The following TMCO6 variants were observed in gnomAD, a reference collection of about 807,000 sequenced individuals.
TMCO6 encodes transmembrane and coiled-coil domains 6.
In TMCO6, 47 loss-of-function variants were observed where a neutral mutation model predicts 61.8. That is an observed-to-expected ratio of 0.76 (90% confidence interval 0.60 to 0.97). The LOEUF (loss-of-function observed/expected upper bound fraction) is 0.97. Ranked by LOEUF, TMCO6 falls within the 50% of genes least tolerant of loss-of-function variation. TMCO6 has a pLI of 0.00. For missense variants in TMCO6, 557 were observed against 601.6 expected, an observed-to-expected ratio of 0.93 and a Z score of 0.78; for synonymous variants, 261 against 254.2, an observed-to-expected ratio of 1.03 and a Z score of -0.25.
upstream of TMCO6, among the ~76,000 whole-genome samples, chr5:140,638,398 A>T (rs1756827680): frequency 6.6e-6 from 1 of 152,140 alleles, no homozygotes; most frequent in Non-Finnish European, 1.5e-5. Flanking sequence ...TGGTACTGAT[A>T]ACGTCTTGTA....
chr5:140,603,437 A>G, the TMCO6 span, among the ~76,000 whole-genome samples: 1 of 152,016 alleles, frequency 6.6e-6, no homozygotes, highest in Admixed American at 6.6e-5. Flanking sequence ...CCTTCCAAGT[A>G]GCTGAGATTA....
chr5:140,631,068 C>A, the TMCO6 span, among the ~76,000 whole-genome samples: 1 of 152,238 alleles, frequency 6.6e-6, no homozygotes. Flanking sequence ...ATTTGCCAAT[C>A]AGTCAGCCTG....
the TMCO6 span, among the ~76,000 whole-genome samples, chr5:140,624,379 A>G: frequency 2.6e-5 from 4 of 152,052 alleles, no homozygotes; most frequent in Admixed American, 1.3e-4. Flanking sequence ...AAATGAATAA[A>G]TAAATAAATA....
At chr5:140,628,406 T>G in the TMCO6 span, among the ~76,000 whole-genome samples, 1 of 152,128 alleles carries the variant, frequency 6.6e-6, no homozygotes, top group Non-Finnish European at 1.5e-5. Flanking sequence ...CTGATTTGAA[T>G]GCCTCTGACA....
chr5:140,623,376 C>T, the TMCO6 span, among the ~76,000 whole-genome samples: 1 of 148,232 alleles, frequency 6.7e-6, no homozygotes, highest in Non-Finnish European at 1.5e-5. Flanking sequence ...TTTCTCACTT[C>T]TGTAGCATGC....
chr5:140,625,908 T>C, the TMCO6 span, among the ~76,000 whole-genome samples: 7 of 152,286 alleles, frequency 4.6e-5, no homozygotes, highest in Admixed American at 1.3e-4. Flanking sequence ...TTGCTGACCA[T>C]GTCTCCCTAT....
chr5:140,637,588 A>G (rs1171587341), upstream of TMCO6, among the ~76,000 whole-genome samples: 2 of 152,106 alleles, frequency 1.3e-5, no homozygotes, highest in Non-Finnish European at 2.9e-5. Context: ...TCAGGCCATG[A>G]TGGGAAGTAG....
chr5:140,642,717 A>G lies in TMCO6; in HGVS notation c.689+46A>G, dbSNP rs1243818413. ...ATGTGCAGCCAGAGGTGACCCACTCAGTAGTATAGCTCCCGGATGCCTGAA... is the reference window on the plus strand; with the variant it reads ...ATGTGCAGCCAGAGGTGACCCACTCGGTAGTATAGCTCCCGGATGCCTGAA... On this transcript the variant is annotated intron_variant, in intron 6 of 11. Coordinates refer to ENST00000394671, the MANE Select transcript of TMCO6 (RefSeq NM_018502.5). 3 of 1,601,294 alleles carry G rather than the reference A, an allele frequency of 1.9e-6. No individual in the cohort carries two copies. The South Asian group carries it at 3.3e-5, about 18-fold the overall frequency.
At chr5:140,643,203 C>CT (rs908634774) in intron 7 of TMCO6, among the ~76,000 whole-genome samples, 162 bp downstream of exon 7, 41 of 151,446 alleles carry the variant, frequency 2.7e-4, no homozygotes, top group African/African-American at 5.3e-4. Context: ...AGCTGTTTCT[C>CT]TTTTTTTTTG....
chr5:140,611,303 C>T, the TMCO6 span, among the ~76,000 whole-genome samples: 1 of 152,128 alleles, frequency 6.6e-6, no homozygotes, highest in South Asian at 2.1e-4. Context: ...CCCATCACTC[C>T]CGCCACCCCC....
At chr5:140,620,675 G>A in the TMCO6 span, among the ~76,000 whole-genome samples, 1 of 152,280 alleles carries the variant, frequency 6.6e-6, no homozygotes, top group Non-Finnish European at 1.5e-5. Context: ...ATTTTGCTGT[G>A]AATCTAAAAC....
At chr5:140,630,378 C>T in the TMCO6 span, among the ~76,000 whole-genome samples, 84 of 152,144 alleles carry the variant, frequency 5.5e-4, no homozygotes, top group African/African-American at 8.4e-4. Flanking sequence ...CTCAGGCTAC[C>T]GTAATAAAAT....
upstream of TMCO6, among the ~76,000 whole-genome samples, chr5:140,637,848 C>A (rs1232663008): frequency 1.3e-5 from 2 of 151,746 alleles, no homozygotes; most frequent in East Asian, 1.9e-4. Context: ...AGCTGGAAGC[C>A]CCCCACCGCC....
At chr5:140,621,294 C>T in the TMCO6 span, among the ~76,000 whole-genome samples, 1 of 152,196 alleles carries the variant, frequency 6.6e-6, no homozygotes, top group African/African-American at 2.4e-5. Flanking sequence ...GAAGCCGTGA[C>T]AGAAGAACGT....
the TMCO6 span, among the ~76,000 whole-genome samples, chr5:140,605,610 G>T: frequency 6.6e-6 from 1 of 151,640 alleles, no homozygotes; most frequent in African/African-American, 2.4e-5. Context: ...CATCCAGGAG[G>T]CAGAGGTTGC....
the TMCO6 span, among the ~76,000 whole-genome samples, chr5:140,600,331 TAC>T: frequency 6.6e-6 from 1 of 152,306 alleles, no homozygotes; most frequent in South Asian, 2.1e-4. Flanking sequence ...AGGGCTATTG[TAC>T]AGAGAATTTT....
chr5:140,623,787 C>A, the TMCO6 span, among the ~76,000 whole-genome samples: 7 of 152,008 alleles, frequency 4.6e-5, no homozygotes, highest in Non-Finnish European at 8.8e-5. Context: ...CAGTATGTTG[C>A]CCAGGCTAGT....
At position 140,642,065 on chromosome 5, in the gene TMCO6, C is replaced by T. The variant is rs1426141635; in HGVS notation, c.498+12C>T. 6.3e-6 allele frequency: 10 copies of T among 1,590,868 alleles called. No individual in the cohort carries two copies. Among genetic ancestry groups the T allele is most frequent in the Non-Finnish European group, 7.7e-6 (9 of 1,162,084 alleles). ...GCTCAGACTTCATAGTAAGCCCTGT[C>T]CCTTCCTATCTTGTTCTTGGTTTAG... On this transcript the variant is annotated intron_variant, in intron 4 of 11. Coordinates refer to ENST00000394671, the MANE Select transcript of TMCO6 (RefSeq NM_018502.5).
chr5:140,631,401 C>T, the TMCO6 span, among the ~76,000 whole-genome samples: 13 of 152,160 alleles, frequency 8.5e-5, no homozygotes, highest in African/African-American at 3.1e-4. Flanking sequence ...GTTTTATTAC[C>T]TTTGAAAGGG....
Sources: allele counts gnomAD v4.1 joint callset (sites outside exome capture counted in the v4.1 genomes callset), GRCh38; gene constraint gnomAD v4.1.1; transcripts MANE v1.5; gene names NCBI Gene and HGNC (gene_info 2026-07-23, HGNC 2026-07-21).